Variants in TLN2 observed in about 807,000 individuals in gnomAD.
TLN2 encodes the protein talin-2.
Under a neutral mutation model 294.7 loss-of-function variants are expected in TLN2, and 118 were observed. That is an observed-to-expected ratio of 0.40 (90% CI 0.34 to 0.47). TLN2 has a LOEUF of 0.47. TLN2 is among the 20% of genes least tolerant of loss of function. The pLI, the probability that TLN2 is intolerant of heterozygous loss-of-function variation, is 0.84. For missense variants in TLN2, 3,083 were observed against 3,282.2 expected, an observed-to-expected ratio of 0.94 and a Z score of 1.48; for synonymous variants, 1,431 against 1,304.5, an observed-to-expected ratio of 1.10 and a Z score of -2.09.
At chr15:62,420,837 T>C (rs546210158) in intron 1 of TLN2, among the ~76,000 whole-genome samples, 2 of 152,142 alleles carry the variant, frequency 1.3e-5, no homozygotes, top group South Asian at 4.2e-4. Context: ...TTATTGGGGG[T>C]CTGAAGGAAC....
intron 58 of TLN2, 99 bp from the exon 59 acceptor site, chr15:62,840,383 C>A: frequency 6.6e-7 from 1 of 1,519,614 alleles, no homozygotes; most frequent in Non-Finnish European, 8.9e-7. Context: ...TGCAGTGTCC[C>A]ACGGTCGCGG....
chr15:62,693,716 A>G (rs2058098564), intron 13 of TLN2, among the ~76,000 whole-genome samples: 1 of 152,170 alleles, frequency 6.6e-6, no homozygotes, highest in Non-Finnish European at 1.5e-5. Flanking sequence ...ATTTAATAGA[A>G]TGTTAATATG....
At chr15:62,821,105 G>T (rs2067528914) in intron 54 of TLN2, among the ~76,000 whole-genome samples, 1 of 152,206 alleles carries the variant, frequency 6.6e-6, no homozygotes, top group Non-Finnish European at 1.5e-5. Context: ...TTGTCATGTA[G>T]ATAAATGTTT....
chr15:62,574,247 T>G (rs1037412370), intron 1 of TLN2, among the ~76,000 whole-genome samples: 4 of 151,910 alleles, frequency 2.6e-5, no homozygotes, highest in Admixed American at 6.6e-5. Context: ...ATCTAGAAAT[T>G]TTTTTTGCCT....
chr15:62,486,398 C>G (rs2038393785), intron 1 of TLN2, among the ~76,000 whole-genome samples: 1 of 145,724 alleles, frequency 6.9e-6, no homozygotes, highest in South Asian at 2.1e-4. Context: ...TACGCAGATT[C>G]TGTACTCAGT....
intron 1 of TLN2, among the ~76,000 whole-genome samples, chr15:62,391,470 C>G (rs761169528): frequency 6.6e-6 from 1 of 152,252 alleles, no homozygotes; most frequent in African/African-American, 2.4e-5. Context: ...CTGGAGGGAC[C>G]TGGAGACGAG....
chr15:62,598,827 T>G (rs1378164187), intron 2 of TLN2, among the ~76,000 whole-genome samples: 1 of 152,044 alleles, frequency 6.6e-6, no homozygotes, highest in Non-Finnish European at 1.5e-5. Flanking sequence ...CTGGTATTTG[T>G]GAGTTACCTC....
intron 4 of TLN2, 194 bp from the exon 5 acceptor site, chr15:62,649,890 C>A: frequency 1.8e-6 from 1 of 541,392 alleles, no homozygotes; most frequent in Non-Finnish European, 3.3e-6. Context: ...GTGGGTGTTG[C>A]TTCTGCAACT....
chr15:62,699,229 C>A (rs973555720), intron 16 of TLN2, among the ~76,000 whole-genome samples: 2 of 152,158 alleles, frequency 1.3e-5, no homozygotes, highest in Admixed American at 1.3e-4. Flanking sequence ...ATCTAATCAC[C>A]TGTAGAGTTC....
At chr15:62,502,847 T>G (rs2039378131) in intron 1 of TLN2, among the ~76,000 whole-genome samples, 1 of 152,244 alleles carries the variant, frequency 6.6e-6, no homozygotes, top group Non-Finnish European at 1.5e-5. Context: ...CACCTGTGTC[T>G]CCCTTCCTTG....
At chr15:62,494,884 C>T (rs1372406440) in intron 1 of TLN2, among the ~76,000 whole-genome samples, 2 of 152,148 alleles carry the variant, frequency 1.3e-5, no homozygotes, top group African/African-American at 4.8e-5. Flanking sequence ...TGCTTGGCTC[C>T]TCCAGACCTG....
chr15:62,394,542 T>A (rs956457630), intron 1 of TLN2, among the ~76,000 whole-genome samples: 4 of 152,224 alleles, frequency 2.6e-5, no homozygotes, highest in Admixed American at 6.5e-5. Context: ...AGGAGACTAG[T>A]TAAAACATAA....
At chr15:62,689,068 C>T (rs75458089) in intron 12 of TLN2, among the ~76,000 whole-genome samples, 1,248 of 116,586 alleles carry the variant, frequency 0.011, 8 homozygotes, top group Non-Finnish European at 0.018. Context: ...TTCTCTCTCT[C>T]TTTTTTTTTT....
At chr15:62,700,551 A>G (rs924095781) in intron 16 of TLN2, among the ~76,000 whole-genome samples, 1 of 152,134 alleles carries the variant, frequency 6.6e-6, no homozygotes, top group East Asian at 1.9e-4. Flanking sequence ...TGGATCCAGA[A>G]CAGGGATCTC....
chr15:62,751,253 TG>T (rs1393007417), intron 34 of TLN2, among the ~76,000 whole-genome samples: 1 of 152,194 alleles, frequency 6.6e-6, no homozygotes, highest in Non-Finnish European at 1.5e-5. Context: ...GAAGAATGGA[TG>T]TCGAGCTGTT....
chr15:62,626,932 C>T (rs571912925), intron 3 of TLN2, among the ~76,000 whole-genome samples: 4 of 152,232 alleles, frequency 2.6e-5, no homozygotes, highest in East Asian at 1.9e-4. Flanking sequence ...AGCGCAAGGA[C>T]GAATACCAAG....
chr15:62,461,637 C>G (rs2036811586), intron 1 of TLN2, among the ~76,000 whole-genome samples: 1 of 152,172 alleles, frequency 6.6e-6, no homozygotes, highest in Non-Finnish European at 1.5e-5. Flanking sequence ...GGGGTGAGAG[C>G]AGAAATAAGA....
At chr15:62,517,592 T>A (rs561639240) in intron 1 of TLN2, among the ~76,000 whole-genome samples, 1 of 152,322 alleles carries the variant, frequency 6.6e-6, no homozygotes, top group Non-Finnish European at 1.5e-5. Flanking sequence ...GTACCCCTTT[T>A]GTAAACAAAA....
chr15:62,822,570 G>A (rs544507642), intron 54 of TLN2, among the ~76,000 whole-genome samples: 2 of 152,308 alleles, frequency 1.3e-5, no homozygotes, highest in South Asian at 4.1e-4. Flanking sequence ...AGCTGGGAGG[G>A]CTATGTATGG....
Sources: allele counts gnomAD v4.1 joint callset (sites outside exome capture counted in the v4.1 genomes callset), GRCh38; gene constraint gnomAD v4.1.1; transcripts MANE v1.5; gene names NCBI Gene and HGNC (gene_info 2026-07-23, HGNC 2026-07-21).